TCF4: variants seen among roughly 807,000 people sequenced by gnomAD.
TCF4 encodes transcription factor 4.
In TCF4, 3 loss-of-function variants were observed where a neutral mutation model predicts 82.1. The observed-to-expected ratio is 0.04, with a 90% CI of 0.02 to 0.09. The LOEUF is 0.09. TCF4 is among the 10% of genes least tolerant of loss of function. TCF4 has a pLI of 1.00. For synonymous variants in TCF4, 276 were observed against 309.6 expected, an observed-to-expected ratio of 0.89 and a Z score of 1.14; for missense variants, 518 against 852.7, an observed-to-expected ratio of 0.61 and a Z score of 4.89.
intron 3 of TCF4, among the ~76,000 whole-genome samples, chr18:55,509,814 G>C (rs929137542): frequency 1.2e-4 from 19 of 152,074 alleles, no homozygotes; most frequent in African/African-American, 4.3e-4. Context: ...GGAAAGGGGC[G>C]GGGGGAAATC....
chr18:55,378,778 A>C (rs932609639), intron 6 of TCF4, among the ~76,000 whole-genome samples: 1 of 152,244 alleles, frequency 6.6e-6, no homozygotes, highest in African/African-American at 2.4e-5. Context: ...TCTAGAAAAA[A>C]GCCAAAACAG....
chr18:55,432,694 T>C (rs1315564001), intron 5 of TCF4, among the ~76,000 whole-genome samples: 2 of 152,248 alleles, frequency 1.3e-5, no homozygotes, highest in African/African-American at 4.8e-5. Flanking sequence ...ACTTTAATTC[T>C]GATTCTCTAA....
At chr18:55,499,140 T>C (rs532200873) in intron 3 of TCF4, among the ~76,000 whole-genome samples, 5 of 152,336 alleles carry the variant, frequency 3.3e-5, no homozygotes, top group African/African-American at 9.6e-5. Flanking sequence ...AAGAAGAAAC[T>C]TGTTTACTCA....
At chr18:55,290,271 A>C (rs1007891411) in intron 8 of TCF4, among the ~76,000 whole-genome samples, 1 of 152,222 alleles carries the variant, frequency 6.6e-6, no homozygotes, top group Non-Finnish European at 1.5e-5. Context: ...AAATAACTTT[A>C]GATGCGATTG....
intron 15 of TCF4, among the ~76,000 whole-genome samples, chr18:55,241,806 C>A (rs917428823): frequency 2.0e-5 from 3 of 152,178 alleles, no homozygotes; most frequent in African/African-American, 7.2e-5. Flanking sequence ...TTTCCAAATA[C>A]TCATCTTTTA....
At chr18:55,568,043 A>G (rs1170584061) in intron 3 of TCF4, among the ~76,000 whole-genome samples, 1 of 152,102 alleles carries the variant, frequency 6.6e-6, no homozygotes, top group Non-Finnish European at 1.5e-5. Flanking sequence ...ATGAAAATGT[A>G]ATAAATTAAA....
chr18:55,321,655 C>T (rs1184619328), intron 8 of TCF4: 11 of 1,536,030 alleles, frequency 7.2e-6, no homozygotes, highest in African/African-American at 4.1e-5. Context: ...CCCCTCGCAG[C>T]CCGCATTCGC....
At chr18:55,254,408 G>T (rs538957327) in intron 15 of TCF4, 89 bp downstream of exon 15, 5 of 1,307,432 alleles carry the variant, frequency 3.8e-6, no homozygotes, top group Admixed American at 3.9e-5. Flanking sequence ...CAATAAAGCT[G>T]ATTTTTTAAA....
chr18:55,405,537 A>G (rs2094043552), intron 5 of TCF4, among the ~76,000 whole-genome samples: 1 of 152,218 alleles, frequency 6.6e-6, no homozygotes, highest in Non-Finnish European at 1.5e-5. Flanking sequence ...TATCCCCTGT[A>G]GAATTTCACC....
At position 55,338,046 on chromosome 18, in the gene TCF4, C is replaced by T. The variant is rs142840510; in HGVS notation, c.549+12313G>A. Among the ~76,000 whole-genome samples the T allele has an allele frequency of 2.1e-3, 315 of 152,206 alleles. 1 individual carries two copies. Among genetic ancestry groups the T allele is most frequent in the African/African-American group, 7.0e-3 (290 of 41,524 alleles). ...AAAATCACCATCAGTCTCGCTGCTG[C>T]CAAGTGACACACAAAAAGGAAGTTA... On this transcript the variant is annotated intron_variant, in intron 8 of 19. Transcript: ENST00000354452.
intron 8 of TCF4, chr18:55,320,725 T>A (rs1602539250): frequency 1.3e-5 from 2 of 152,228 alleles, no homozygotes; most frequent in African/African-American, 4.8e-5. Flanking sequence ...GAGAACAGTT[T>A]ATAAATGGCT....
At chr18:55,260,151 T>C (rs2057733826) in intron 12 of TCF4, 124 bp from the exon 13 acceptor site, 1 of 724,486 alleles carries the variant, frequency 1.4e-6, no homozygotes, top group African/African-American at 1.8e-5. Context: ...CATGTAATAA[T>C]CAACTACAGT....
intron 6 of TCF4, among the ~76,000 whole-genome samples, chr18:55,362,289 C>G (rs952888352): frequency 2.7e-5 from 4 of 148,688 alleles, no homozygotes; most frequent in African/African-American, 1.0e-4. Flanking sequence ...GCACTCCAGC[C>G]TGGGCAACAG....
intron 8 of TCF4, among the ~76,000 whole-genome samples, chr18:55,328,345 G>A (rs1389846304): frequency 6.6e-6 from 1 of 151,230 alleles, no homozygotes; most frequent in Non-Finnish European, 1.5e-5. Context: ...TCCCCAGGCC[G>A]TCAATCTTTT....
intron 8 of TCF4, among the ~76,000 whole-genome samples, chr18:55,317,965 A>G (rs2074558468): frequency 6.6e-6 from 1 of 152,128 alleles, no homozygotes; most frequent in Non-Finnish European, 1.5e-5. Flanking sequence ...GATTTGACAA[A>G]TAACTATTTC....
At chr18:55,548,933 G>C (rs2097232207) in intron 3 of TCF4, among the ~76,000 whole-genome samples, 1 of 152,178 alleles carries the variant, frequency 6.6e-6, no homozygotes, top group Non-Finnish European at 1.5e-5. Flanking sequence ...CAAAGGCCTA[G>C]GACATTCTTG....
chr18:55,344,736 G>C (rs2080796954), intron 8 of TCF4, among the ~76,000 whole-genome samples: 1 of 152,210 alleles, frequency 6.6e-6, no homozygotes, highest in East Asian at 1.9e-4. Flanking sequence ...CCACTCCTTA[G>C]AAGAGATCAC....
In TCF4 at chr18:55,565,302, C is replaced by T. The variant is rs1603623460; in HGVS notation, c.145+19978G>A. Among the ~76,000 whole-genome samples, 4 of 144,094 alleles carry T rather than the reference C, an allele frequency of 2.8e-5. No homozygotes were observed. In the South Asian group the frequency reaches 8.9e-4, roughly 32 times the overall value. 94.5% of individuals were successfully genotyped at this position (144,094 alleles called of 152,430 possible). A position where few individuals can be genotyped will look rare whatever the true frequency, so the allele number is the denominator to read the frequency against. On this transcript the variant is annotated intron_variant, in intron 3 of 19. Coordinates refer to ENST00000354452, the MANE Select transcript of TCF4 (RefSeq NM_001083962.2). ...ACACTACAAAACAACCAATGTTCAA[C>T]ATTAAAAAAAAAAAAAATTCTCCAA...
intron 13 of TCF4, among the ~76,000 whole-genome samples, chr18:55,259,345 T>A (rs41437147): frequency 3.3e-5 from 5 of 152,082 alleles, no homozygotes; most frequent in African/African-American, 1.2e-4. Flanking sequence ...AAAGTGAAAT[T>A]ATTTACTGAC....
Sources: gnomAD v4.1 joint callset for allele counts (sites outside exome capture counted in the v4.1 genomes callset) on GRCh38, gnomAD v4.1.1 for gene constraint, MANE v1.5 for transcripts, NCBI Gene and HGNC (gene_info 2026-07-23, HGNC 2026-07-21) for gene names.